LVRN: variants seen among roughly 807,000 people sequenced by gnomAD.
LVRN encodes aminopeptidase Q.
Under a neutral mutation model 111.4 loss-of-function variants are expected in LVRN, and 99 were observed. That is an observed-to-expected ratio of 0.89 (90% CI 0.76 to 1.05). The LOEUF (loss-of-function observed/expected upper bound fraction) is 1.05. LVRN is among the 50% of genes least tolerant of loss of function. The pLI, the probability that LVRN is intolerant of heterozygous loss-of-function variation, is 0.00. For missense variants in LVRN, 1,414 were observed against 1,206.8 expected, an observed-to-expected ratio of 1.17 and a Z score of -2.54; for synonymous variants, 488 against 449.5, an observed-to-expected ratio of 1.09 and a Z score of -1.08.
At chr5:116,002,718 G>A in intron 10 of LVRN, 117 bp from the exon 11 acceptor site, 1 of 725,862 alleles carries the variant, frequency 1.4e-6, no homozygotes, top group South Asian at 2.1e-5. Flanking sequence ...CATATCTAGA[G>A]AGAATGACCA....
At position 116,001,067 on chromosome 5, in the gene LVRN, G is replaced by T. The variant is rs369063629; in HGVS notation, c.1648G>T (p.Ala550Ser). 2.5e-6 allele frequency: 4 copies of T among 1,597,702 alleles called. No individual in the cohort carries two copies. Among genetic ancestry groups the T allele is most frequent in the Non-Finnish European group, 3.4e-6 (4 of 1,175,596 alleles). The change falls in exon 10 of 20, where the codon GCC becomes TCC. Residue 550 changes from alanine (A) to serine (S), a missense_variant and splice_region_variant. By Grantham distance (99) the Ala-to-Ser change is moderately conservative. Transcript: ENST00000357872. ...QDDLWRHFQM[A>S]IDDQSTVILP... Reference sequence around the variant, plus strand: ...CCTTTGTGGTGATTTTTTAAAACAGGCCATAGATGACCAGAGTACAGTTAT... The same window carrying T: ...CCTTTGTGGTGATTTTTTAAAACAGTCCATAGATGACCAGAGTACAGTTAT...
rs773774094 is a variant in LVRN at position 116,015,340 on chromosome 5, A to G, written c.2539A>G (p.Thr847Ala). 4 of 1,612,532 alleles carry G rather than the reference A, an allele frequency of 2.5e-6. No individual in the cohort carries two copies. The highest frequency in any genetic ancestry group is 3.4e-6 in the Non-Finnish European group (4 of 1,179,428). The change falls in exon 17 of 20, where the codon ACT becomes GCT. Residue 847 changes from threonine to alanine, a missense_variant. Transcript: ENST00000357872. ...GTGGGACATCTTGTTAAATACTTACACTAATACAACAAACAAAGAAGAAAA... is the reference window on the plus strand; with the variant it reads ...GTGGGACATCTTGTTAAATACTTACGCTAATACAACAAACAAAGAAGAAAA... The part of the protein sequence containing the change: ...KEWDILLNTY[T>A]NTTNKEEKIQ...
intron 15 of LVRN, among the ~76,000 whole-genome samples, chr5:116,013,704 G>A (rs1169013781): frequency 1.3e-5 from 2 of 152,118 alleles, no homozygotes; most frequent in African/African-American, 4.8e-5. Flanking sequence ...TGGCGCTTGC[G>A]TTTTCTGGAA....
intron 2 of LVRN, among the ~76,000 whole-genome samples, chr5:115,983,738 T>C (rs1747774614): frequency 6.6e-6 from 1 of 152,218 alleles, no homozygotes; most frequent in Non-Finnish European, 1.5e-5. Flanking sequence ...AGTCTGAATC[T>C]GGTGCACAGC....
At chr5:115,981,726 C>T (rs992489643) in intron 1 of LVRN, among the ~76,000 whole-genome samples, 1 of 152,140 alleles carries the variant, frequency 6.6e-6, no homozygotes, top group Non-Finnish European at 1.5e-5. Context: ...CCCACCTCCC[C>T]CAACCCTGGG....
At chr5:116,001,262 G>A (rs1483511888) in intron 10 of LVRN, 23 bp downstream of exon 10, 3 of 1,610,066 alleles carry the variant, frequency 1.9e-6, no homozygotes, top group Non-Finnish European at 2.5e-6. Flanking sequence ...GCTCCTCTTT[G>A]TCTTCACCTT....
intron 1 of LVRN, among the ~76,000 whole-genome samples, chr5:115,982,187 A>G (rs1561556909): frequency 6.6e-6 from 1 of 152,176 alleles, no homozygotes; most frequent in Admixed American, 6.5e-5. Context: ...TGACACCTCA[A>G]AATGGCTGAC....
rs756120450 is a variant in LVRN, at chr5:116,000,632, G to C, written c.1621G>C (p.Asp541His). The change falls in exon 9 of 20, where the codon GAT becomes CAT. Residue 541 changes from aspartate (D) to histidine (H), a missense_variant. Asp to His is a moderately conservative substitution (Grantham distance 81). Transcript: ENST00000357872. ...KTFSYSNAEQ[D>H]DLWRHFQMAI... ...ATTTTCCTACTCAAACGCTGAGCAA[G>C]ATGATCTATGGAGGCATTTTCAAAT... 1.7e-5 allele frequency: 28 copies of C among 1,613,900 alleles called. No individual in the cohort carries two copies. The East Asian group carries it at 3.1e-4, about 18-fold the overall frequency.
chr5:115,976,561 G>A (rs1049868424), intron 1 of LVRN, among the ~76,000 whole-genome samples: 11 of 151,892 alleles, frequency 7.2e-5, no homozygotes, highest in Non-Finnish European at 7.4e-5. Flanking sequence ...TCTCATATAG[G>A]CATTTAATAT....
chr5:115,976,513 TGG>T lies in LVRN; in HGVS notation c.696-6773_696-6772del, dbSNP rs1268953197. The stretch of plus-strand genomic sequence containing the variant: ...CTTTATTTTTACTTTTTCTATACTA[TGG>T]TTGACACAAACTTATTACTTTAAGA... On this transcript the variant is annotated intron_variant, in intron 1 of 19. Transcript: ENST00000357872. 1.9e-3 allele frequency among the ~76,000 whole-genome samples: 282 copies of T among 152,324 alleles called. 1 individual carries two copies. The highest frequency in any genetic ancestry group is 6.3e-3 in the African/African-American group (263 of 41,580).
intron 1 of LVRN, among the ~76,000 whole-genome samples, chr5:115,968,049 T>C (rs1054605560): frequency 5.3e-5 from 8 of 152,190 alleles, no homozygotes; most frequent in Non-Finnish European, 1.2e-4. Context: ...CAGTTTTATT[T>C]CTTCAATTTC....
At chr5:116,002,552 C>T (rs1027163424) in intron 10 of LVRN, among the ~76,000 whole-genome samples, 5 of 152,296 alleles carry the variant, frequency 3.3e-5, no homozygotes, top group African/African-American at 1.2e-4. Context: ...TTAACATACA[C>T]ACGCCTTGAA....
At chr5:115,995,157 A>G (rs547709898) in intron 6 of LVRN, among the ~76,000 whole-genome samples, 19 of 152,278 alleles carry the variant, frequency 1.2e-4, no homozygotes, top group African/African-American at 4.3e-4. Flanking sequence ...TTCTAAGATG[A>G]TATTCGTCCT....
In LVRN at chr5:116,004,560, A is replaced by G. The variant is rs549160800; in HGVS notation, c.2037+1180A>G. Among the ~76,000 whole-genome samples, 3 of 152,240 alleles carry G rather than the reference A, an allele frequency of 2.0e-5. No homozygotes were observed. The South Asian group carries it at 6.2e-4, about 32-fold the overall frequency. ...GAAGACTTGTGTTCCTGTTTTGTTC[A>G]TTGTTTGCCAGATGTATGGCACATT... On this transcript the variant is annotated intron_variant, in intron 12 of 19. Transcript: ENST00000357872.
In LVRN at chr5:115,963,220, C is replaced by G. The variant is rs1354172510; in HGVS notation, c.603C>G (p.Ser201Arg). ...ELSEPLKPGS[S>R]YELQLSFSGL... ...GTGAGCCCCTGAAACCTGGTAGCAG[C>G]TACGAGCTGCAGCTTAGCTTCTCGG... The change falls in exon 1 of 20, where the codon AGC (serine) becomes AGG (arginine). Residue 201 changes from serine to arginine, a missense_variant. By Grantham distance (110) the Ser-to-Arg change is moderately radical (BLOSUM62 -1). Transcript: ENST00000357872. 5.6e-6 allele frequency: 9 copies of G among 1,612,758 alleles called. No homozygotes were observed. Among genetic ancestry groups the G allele is most frequent in the Non-Finnish European group, 7.6e-6 (9 of 1,179,884 alleles).
At position 115,993,849 on chromosome 5, in the gene LVRN, C is replaced by G; in HGVS notation, c.1369C>G (p.Pro457Ala). Reference sequence around the variant, plus strand: ...AATTAACTACTTTAATCCTAAACTCCCAAGAGTAAGTATGTTTACTAAGTT... The same window carrying G: ...AATTAACTACTTTAATCCTAAACTCGCAAGAGTAAGTATGTTTACTAAGTT... Reference protein sequence around the residue: ...EVINYFNPKLPRNEIFFSNIL... With the variant: ...EVINYFNPKLARNEIFFSNIL... Residue 457 changes from proline to alanine, a missense_variant, in exon 6 of 20, where the codon CCA (proline) becomes GCA (alanine). Pro to Ala is a conservative substitution (Grantham distance 27, BLOSUM62 -1). Coordinates refer to ENST00000357872, the MANE Select transcript of LVRN (RefSeq NM_173800.5). The G allele has an allele frequency of 6.4e-7, 1 of 1,566,732 alleles. No homozygotes were observed. Among genetic ancestry groups the G allele is most frequent in the Non-Finnish European group, 8.7e-7 (1 of 1,147,772 alleles).
intron 10 of LVRN, among the ~76,000 whole-genome samples, chr5:116,002,482 C>T (rs1431338409): frequency 6.6e-6 from 1 of 152,194 alleles, no homozygotes; most frequent in Non-Finnish European, 1.5e-5. Context: ...TGGGCATGGA[C>T]GGATTTAGGT....
chr5:115,980,198 G>C (rs1561556326), intron 1 of LVRN, among the ~76,000 whole-genome samples: 2 of 152,008 alleles, frequency 1.3e-5, no homozygotes. Context: ...GGAGAGGGTG[G>C]TGGATGGTTC....
chr5:115,972,566 T>G (rs1391944798), intron 1 of LVRN, among the ~76,000 whole-genome samples: 1 of 152,048 alleles, frequency 6.6e-6, no homozygotes, highest in Non-Finnish European at 1.5e-5. Context: ...CTACTTTAGT[T>G]TCAACGCCTT....
Sources: allele counts gnomAD v4.1 joint callset (sites outside exome capture counted in the v4.1 genomes callset), GRCh38; gene constraint gnomAD v4.1.1; transcripts MANE v1.5; gene names NCBI Gene and HGNC (gene_info 2026-07-23, HGNC 2026-07-21).